Variants in SCFD2 observed in about 807,000 individuals in gnomAD.
SCFD2 encodes the protein sec1 family domain containing 2, also known as sec1 family domain-containing protein 2.
In SCFD2, 54 loss-of-function variants were observed where a neutral mutation model predicts 58.9. The observed-to-expected ratio is 0.92, with a 90% confidence interval of 0.74 to 1.15. The LOEUF (loss-of-function observed/expected upper bound fraction) is 1.15, where lower values mean the gene tolerates loss of function less well. Among genes scored for constraint, SCFD2 ranks in the 50% most tolerant of loss-of-function variants. The probability of loss-of-function intolerance (pLI) is 0.00; values close to 1 mark genes in which losing one functional copy is unlikely to be tolerated. For synonymous variants in SCFD2, 321 were observed against 335.9 expected, an observed-to-expected ratio of 0.96 and a Z score of 0.49; for missense variants, 805 against 836.6, an observed-to-expected ratio of 0.96 and a Z score of 0.47.
At chr4:53,030,680 C>T (rs1436526405) in intron 5 of SCFD2, among the ~76,000 whole-genome samples, 9 of 152,168 alleles carry the variant, frequency 5.9e-5, no homozygotes, top group Non-Finnish European at 1.3e-4. Flanking sequence ...CCTCAGCCTC[C>T]CAAAGTGCTG....
intron 5 of SCFD2, among the ~76,000 whole-genome samples, chr4:52,969,626 G>C (rs1345119641): frequency 6.6e-6 from 1 of 152,192 alleles, no homozygotes; most frequent in Admixed American, 6.5e-5. Flanking sequence ...TTTGTAATTT[G>C]CTGTTTCTCC....
At chr4:52,943,706 A>G (rs762592514) in intron 5 of SCFD2, among the ~76,000 whole-genome samples, 4 of 152,054 alleles carry the variant, frequency 2.6e-5, no homozygotes, top group Non-Finnish European at 5.9e-5. Flanking sequence ...CCTTAATACT[A>G]TCTTATTGGC....
At chr4:53,031,811 T>C (rs554267441) in intron 5 of SCFD2, among the ~76,000 whole-genome samples, 2 of 152,306 alleles carry the variant, frequency 1.3e-5, no homozygotes, top group East Asian at 1.9e-4. Context: ...CTATGTTTAA[T>C]TGGTATACCT....
chr4:53,057,769 G>A (rs1460635508), intron 5 of SCFD2, among the ~76,000 whole-genome samples: 1 of 152,096 alleles, frequency 6.6e-6, no homozygotes, highest in African/African-American at 2.4e-5. Flanking sequence ...TAGGGAGGGA[G>A]AATAATTAGA....
At chr4:52,955,029 T>C (rs371998176) in intron 5 of SCFD2, among the ~76,000 whole-genome samples, 2 of 152,190 alleles carry the variant, frequency 1.3e-5, no homozygotes, top group African/African-American at 4.8e-5. Flanking sequence ...TTCTTGAGAC[T>C]TTCCTCACTC....
intron 4 of SCFD2, among the ~76,000 whole-genome samples, chr4:53,272,242 T>C (rs1025780186): frequency 6.6e-6 from 1 of 152,020 alleles, no homozygotes; most frequent in Non-Finnish European, 1.5e-5. Context: ...AGGAACACTT[T>C]TACACTGTTG....
intron 7 of SCFD2, among the ~76,000 whole-genome samples, chr4:52,901,280 G>T (rs1377349791): frequency 6.6e-6 from 1 of 152,162 alleles, no homozygotes; most frequent in African/African-American, 2.4e-5. Context: ...TGGCCATCTT[G>T]GCTCCACCCC....
intron 4 of SCFD2, among the ~76,000 whole-genome samples, chr4:53,269,562 TC>T (rs1731097051): frequency 6.6e-6 from 1 of 152,144 alleles, no homozygotes; most frequent in Admixed American, 6.5e-5. Context: ...ATTATAAATA[TC>T]AACAACAAAG....
chr4:53,126,179 C>T (rs934124792), intron 5 of SCFD2, among the ~76,000 whole-genome samples: 1 of 152,220 alleles, frequency 6.6e-6, no homozygotes, highest in Non-Finnish European at 1.5e-5. Flanking sequence ...ACCTTGCCTA[C>T]TCTACTATTG....
rs377737711 is a variant in SCFD2 at position 53,323,876 on chromosome 4, AG to A, written c.1008-10114del. ...ACCACTTTGAAAGGCTCCAGGCCTA[AG>A]GAACAGAGTAAAGAGGAATCTTCAG... On this transcript the variant is annotated intron_variant, in intron 2 of 8. Transcript: ENST00000401642. Among the ~76,000 whole-genome samples the A allele has an allele frequency of 3.5e-3, 527 of 152,280 alleles. 5 individuals carry two copies. Among genetic ancestry groups the A allele is most frequent in the African/African-American group, 0.012 (499 of 41,556 alleles).
chr4:53,108,819 A>G lies in SCFD2; in HGVS notation c.1561+36514T>C, dbSNP rs1183497899. On this transcript the variant is annotated intron_variant, in intron 5 of 8. Transcript: ENST00000401642. ...AGGAGCTGGCACCATTCCTTCTGAAACTATTCCAAACAATGGAAAAGAGGG... is the reference window on the plus strand; with the variant it reads ...AGGAGCTGGCACCATTCCTTCTGAAGCTATTCCAAACAATGGAAAAGAGGG... Among the ~76,000 whole-genome samples the G allele has an allele frequency of 2.0e-5, 3 of 152,350 alleles. No individual in the cohort carries two copies. In the East Asian group the frequency reaches 5.8e-4, roughly 29 times the overall value.
chr4:52,963,266 G>A (rs954344722), intron 5 of SCFD2, among the ~76,000 whole-genome samples: 3 of 152,150 alleles, frequency 2.0e-5, no homozygotes, highest in Non-Finnish European at 4.4e-5. Context: ...ACCATTTAGG[G>A]TTAAAAAAAT....
intron 3 of SCFD2, among the ~76,000 whole-genome samples, chr4:53,295,632 T>G (rs909941115): frequency 6.6e-5 from 10 of 152,310 alleles, no homozygotes; most frequent in African/African-American, 2.4e-4. Context: ...CTTTATTTCT[T>G]TCTCTTGCCT....
At chr4:52,966,736 C>T (rs1560496167) in intron 5 of SCFD2, among the ~76,000 whole-genome samples, 1 of 152,136 alleles carries the variant, frequency 6.6e-6, no homozygotes, top group South Asian at 2.1e-4. Context: ...TTACATAAGT[C>T]TGGTACTTTT....
chr4:53,214,285 G>A (rs1728730973), intron 4 of SCFD2, among the ~76,000 whole-genome samples: 1 of 152,034 alleles, frequency 6.6e-6, no homozygotes, highest in Non-Finnish European at 1.5e-5. Flanking sequence ...GTGTAAAAGT[G>A]TTGCTATTTC....
intron 3 of SCFD2, among the ~76,000 whole-genome samples, chr4:53,295,107 G>T (rs897214855): frequency 2.0e-5 from 3 of 152,152 alleles, no homozygotes; most frequent in African/African-American, 7.2e-5. Flanking sequence ...GCTTAGGATT[G>T]TCTTGGCTAT....
At chr4:53,218,230 A>C (rs548268825) in intron 4 of SCFD2, among the ~76,000 whole-genome samples, 7 of 152,290 alleles carry the variant, frequency 4.6e-5, no homozygotes, top group South Asian at 2.1e-4. Context: ...TAATATCCTG[A>C]AGAGTGTTTT....
chr4:53,212,036 C>T (rs1320488360), intron 4 of SCFD2, among the ~76,000 whole-genome samples: 1 of 152,092 alleles, frequency 6.6e-6, no homozygotes, highest in Non-Finnish European at 1.5e-5. Flanking sequence ...TCCTTCACTT[C>T]TTCCCTTCTT....
intron 5 of SCFD2, among the ~76,000 whole-genome samples, chr4:53,071,147 C>T (rs1323459861): frequency 1.3e-5 from 2 of 152,088 alleles, no homozygotes; most frequent in Non-Finnish European, 2.9e-5. Context: ...AGCTGTCATG[C>T]TGAACTATGA....
Sources: gnomAD v4.1 joint callset for allele counts (sites outside exome capture counted in the v4.1 genomes callset) on GRCh38, gnomAD v4.1.1 for gene constraint, MANE v1.5 for transcripts, NCBI Gene and HGNC (gene_info 2026-07-23, HGNC 2026-07-21) for gene names.